Variants in VPS35 observed in about 807,000 individuals in gnomAD.
The protein encoded by VPS35 is VPS35 retromer complex component.
In VPS35, 21 loss-of-function variants were observed where a neutral mutation model predicts 98.1. That is an observed-to-expected ratio of 0.21 (90% CI 0.15 to 0.31). VPS35 has a LOEUF of 0.31. VPS35 is among the 10% of genes least tolerant of loss of function. The probability of loss-of-function intolerance (pLI) is 1.00; values close to 1 mark genes in which losing one functional copy is unlikely to be tolerated. For synonymous variants in VPS35, 268 were observed against 318.2 expected (o/e 0.84, Z 1.68); for missense variants, 554 against 950.8 (o/e 0.58, Z 5.49).
intron 1 of VPS35, chr16:46,688,667 G>C: frequency 9.5e-7 from 1 of 1,053,890 alleles, no homozygotes; most frequent in African/African-American, 1.7e-5. Flanking sequence ...CCCTCCAGGA[G>C]GGCGTGGGGA....
chr16:46,660,798 A>T, intron 16 of VPS35, 147 bp from the exon 17 acceptor site: 1 of 444,322 alleles, frequency 2.3e-6, no homozygotes, highest in Non-Finnish European at 4.3e-6. Context: ...TACAATTCCT[A>T]GTTTGAACAA....
In VPS35 at chr16:46,671,831, C is replaced by T. The variant is rs150810185; in HGVS notation, c.1398G>A (p.Thr466=). ...QVDSIMNLVS[T]LIQDQPDQPV... ...GTTGATCTGGCTGATCTTGAATCAA[C>T]GTGGATACCAAATTCATTATGGAAT... is the stretch of plus-strand genomic sequence containing the variant. Residue 466 remains threonine (T), a synonymous_variant, in exon 12 of 17, where the codon ACG becomes ACA. Transcript: ENST00000299138. 4.9e-4 allele frequency: 788 copies of T among 1,613,156 alleles called. 5 individuals are homozygous for T. The African/African-American group carries it at 8.9e-3, about 18-fold the overall frequency.
chr16:46,688,855 T>A (rs1344229015), intron 1 of VPS35: 1 of 1,418,740 alleles, frequency 7.0e-7, no homozygotes, highest in East Asian at 2.5e-5. Flanking sequence ...CAGGCCTTCA[T>A]GGACCCCAAA....
Position 46,661,667 on chromosome 16 carries a change from G to A in VPS35, c.2211+51C>T, listed in dbSNP as rs374061684. On this transcript the variant is annotated intron_variant, in intron 16 of 16. Transcript: ENST00000299138. The surrounding 1 kb of genome is among the most constrained non-coding windows in gnomAD (Gnocchi z 4.3). ...TTTGTACATATCAAATCTCCTAAGA[G>A]TAGGAAGGGAAAATATTAGTTTATT... 6.6e-7 allele frequency: 1 copy of A among 1,508,644 alleles called. No individual in the cohort carries two copies. The highest frequency in any genetic ancestry group is 1.4e-5 in the African/African-American group (1 of 72,630). 93.5% of individuals were successfully genotyped at this position (1,508,644 alleles called of 1,614,324 possible). A position where few individuals can be genotyped will look rare whatever the true frequency, so the allele number is the denominator to read the frequency against.
intron 2 of VPS35, chr16:46,683,024 C>T (rs1966257248): frequency 6.3e-6 from 1 of 159,956 alleles, no homozygotes; most frequent in African/African-American, 2.4e-5. Context: ...AAGCTAGCTT[C>T]TACAATAAAT....
At position 46,660,187 on chromosome 16, in the gene VPS35, TTG is replaced by T. The variant is rs879039152; in HGVS notation, c.*283_*284del. On this transcript the variant is annotated 3_prime_UTR_variant, in exon 17 of 17. Transcript: ENST00000299138. The stretch of plus-strand genomic sequence containing the variant: ...TAGCCAAGATAAGTGCTTGTGGGTT[TTG>T]TGTTTTTTTTTTTTTTTTTTTTTAC... 17 of 136,728 alleles carry T rather than the reference TTG, an allele frequency of 1.2e-4. 4 individuals carry two copies. The highest frequency in any genetic ancestry group is 6.1e-4 in the South Asian group (2 of 3,268). The allele number at this position is 136,728 out of a possible 1,614,324, so 8.5% of individuals were successfully genotyped here.
chr16:46,668,374 G>A (rs1296888756), intron 13 of VPS35, among the ~76,000 whole-genome samples: 2 of 152,120 alleles, frequency 1.3e-5, no homozygotes, highest in African/African-American at 2.4e-5. Context: ...CAGCCCGGGC[G>A]ACAGAATGAG....
Position 46,671,870 on chromosome 16 carries a change from G to A in VPS35, c.1369-10C>T, listed in dbSNP as rs1341753581. On this transcript the variant is annotated splice_polypyrimidine_tract_variant and intron_variant, in intron 11 of 16. Coordinates refer to ENST00000299138, the MANE Select transcript of VPS35 (RefSeq NM_018206.6). The stretch of plus-strand genomic sequence containing the variant: ...TCATTATGGAATCCACCTGTAACAT[G>A]CGAGGCACAAGAAACCCACTGAGGT... 10 of 1,611,898 alleles carry A rather than the reference G, an allele frequency of 6.2e-6. No individual in the cohort carries two copies. In the South Asian group the frequency reaches 1.1e-4, roughly 18 times the overall value.
chr16:46,674,713 T>C (rs1966118979), intron 8 of VPS35, 53 bp from the exon 9 acceptor site: 3 of 1,406,712 alleles, frequency 2.1e-6, no homozygotes, highest in Non-Finnish European at 2.9e-6. Flanking sequence ...GTTTGGGTAG[T>C]GAGATCATGG....
chr16:46,678,932 A>C lies in VPS35; in HGVS notation c.720+11T>G. On this transcript the variant is annotated intron_variant, in intron 6 of 16. Coordinates refer to ENST00000299138, the MANE Select transcript of VPS35 (RefSeq NM_018206.6). ...TCTGAACATAAGAAGAGGTAACAAA[A>C]ATATATAAACCTGTTTGTAACGTTC... 1 of 1,613,064 alleles carries C rather than the reference A, an allele frequency of 6.2e-7. No homozygotes were observed. Among genetic ancestry groups the C allele is most frequent in the Non-Finnish European group, 8.5e-7 (1 of 1,179,266 alleles).
In VPS35 at chr16:46,679,349, G is replaced by A. The variant is rs150840759; in HGVS notation, c.507-193C>T. On this transcript the variant is annotated intron_variant, in intron 5 of 16. Transcript: ENST00000299138. ...GGTAAAAAGTACCATGGAGAGGACA[G>A]TATAAATTTAAAGGGCAAATTACTT... Among the ~76,000 whole-genome samples the A allele has an allele frequency of 2.0e-5, 3 of 152,320 alleles. No homozygotes were observed. The East Asian group carries it at 5.8e-4, about 29-fold the overall frequency.
chr16:46,671,752 G>A lies in VPS35; in HGVS notation c.1477C>T (p.Arg493Cys), dbSNP rs1367504626. 9.9e-6 allele frequency: 16 copies of A among 1,613,972 alleles called. 1 individual carries two copies. Among genetic ancestry groups the A allele is most frequent in the Non-Finnish European group, 1.3e-5 (15 of 1,180,026 alleles). ...TCAGAGCGCAGCAGATGAATGAAGC[G>A]GCCCACAAGGCTCTGCTCATCAGCA... ...DFADEQSLVG[R>C]FIHLLRSEDP... Residue 493 changes from arginine to cysteine, a missense_variant, in exon 12 of 17, where the codon CGC becomes TGC. Coordinates refer to ENST00000299138, the MANE Select transcript of VPS35 (RefSeq NM_018206.6).
rs182502948 is a variant in VPS35, at chr16:46,678,619, C to T, written c.720+324G>A. 7.9e-5 allele frequency among the ~76,000 whole-genome samples: 12 copies of T among 152,314 alleles called. No individual in the cohort carries two copies. The East Asian group carries it at 1.5e-3, about 20-fold the overall frequency. On this transcript the variant is annotated intron_variant, in intron 6 of 16. Transcript: ENST00000299138. ...GGTCTTTCAACTTGTTCTTCCTTTTCAAATTCGTTGTAGCTGTTCCAGGTT... is the reference window on the plus strand; with the variant it reads ...GGTCTTTCAACTTGTTCTTCCTTTTTAAATTCGTTGTAGCTGTTCCAGGTT...
At chr16:46,681,988 T>C in intron 3 of VPS35, 91 bp downstream of exon 3, 2 of 957,066 alleles carry the variant, frequency 2.1e-6, no homozygotes, top group Non-Finnish European at 3.3e-6. Context: ...ATAAGATAAC[T>C]CCAGAAAAAC....
At position 46,661,487 on chromosome 16, in the gene VPS35, C is replaced by T. The variant is rs533439925; in HGVS notation, c.2211+231G>A. 7.3e-6 allele frequency: 3 copies of T among 412,948 alleles called. No individual in the cohort carries two copies. The highest frequency in any genetic ancestry group is 7.6e-5 in the Admixed American group (2 of 26,404). The allele number at this position is 412,948 out of a possible 1,614,324, so 25.6% of individuals were successfully genotyped here. On this transcript the variant is annotated intron_variant, in intron 16 of 16. Transcript: ENST00000299138. The surrounding 1 kb of genome is among the most constrained non-coding windows in gnomAD (Gnocchi z 4.3). ...TCAGGTGATCTGCCTGCCTCAGCCT[C>T]CCAAAGTGCTGGGATTACAGGCATG...
At chr16:46,663,818 C>T (rs555535603) in intron 13 of VPS35, among the ~76,000 whole-genome samples, 4 of 147,470 alleles carry the variant, frequency 2.7e-5, no homozygotes, top group Admixed American at 7.0e-5. Context: ...ACCTCAGACT[C>T]CCGAATAGCT....
intron 2 of VPS35, 70 bp downstream of exon 2, chr16:46,683,438 A>G: frequency 7.1e-7 from 1 of 1,400,592 alleles, no homozygotes; most frequent in East Asian, 2.3e-5. Flanking sequence ...ACCTGACTCT[A>G]GAAGACACTG....
intron 1 of VPS35, among the ~76,000 whole-genome samples, chr16:46,687,591 A>G (rs944050942): frequency 6.6e-6 from 1 of 152,060 alleles, no homozygotes; most frequent in East Asian, 1.9e-4. Flanking sequence ...CAATCCACAC[A>G]CTGTATTACA....
At position 46,660,649 on chromosome 16, in the gene VPS35, T is replaced by G. The variant is rs1460198771; in HGVS notation, c.2214A>C (p.Val738=). ...IYFYEKENDA[V]TIQVLNQLIQ... ...TAAGCTGGTTTAAAACCTGAATTGT[T>G]ACCTACAAAAGAATATGTACAAATT... The change falls in exon 17 of 17, where the codon GTA becomes GTC. Residue 738 remains valine (V), a splice_region_variant and synonymous_variant. Transcript: ENST00000299138. 6.2e-7 allele frequency: 1 copy of G among 1,613,330 alleles called. No homozygotes were observed.
Sources: gnomAD v4.1 joint callset for allele counts (sites outside exome capture counted in the v4.1 genomes callset) on GRCh38, gnomAD v4.1.1 for gene constraint, Gnocchi (gnomAD v3.1) non-coding constraint, MANE v1.5 for transcripts, NCBI Gene and HGNC (gene_info 2026-07-23, HGNC 2026-07-21) for gene names.